Variants in ROBO2 observed in about 807,000 individuals in gnomAD.
ROBO2 encodes the protein roundabout guidance receptor 2.
ROBO2 carries 53 observed loss-of-function variants against 160.8 expected under a neutral mutation model. The ratio of observed to expected loss-of-function variants is 0.33; its 90% CI spans 0.26 to 0.41. ROBO2 has a LOEUF of 0.41. Ranked by LOEUF, ROBO2 falls within the 10% of genes least tolerant of loss-of-function variation. ROBO2 has a pLI of 1.00. For missense variants in ROBO2, 1,577 were observed against 1,722.4 expected, an observed-to-expected ratio of 0.92 and a Z score of 1.49; for synonymous variants, 664 against 611.7, an observed-to-expected ratio of 1.09 and a Z score of -1.26.
At chr3:76,750,188 G>GA (rs772868865) in intron 2 of ROBO2, among the ~76,000 whole-genome samples, 1 of 151,924 alleles carries the variant, frequency 6.6e-6, no homozygotes, top group Non-Finnish European at 1.5e-5. Context: ...CAGAACCAAA[G>GA]AAAAAACCAC....
intron 2 of ROBO2, among the ~76,000 whole-genome samples, chr3:76,703,265 C>T (rs1367360113): frequency 2.0e-5 from 3 of 151,974 alleles, no homozygotes; most frequent in Non-Finnish European, 4.4e-5. Context: ...GGACTTAGGT[C>T]GCAACATTAC....
At chr3:76,852,138 C>A (rs148046142) in intron 2 of ROBO2, among the ~76,000 whole-genome samples, 17 of 152,254 alleles carry the variant, frequency 1.1e-4, no homozygotes, top group African/African-American at 3.1e-4. Context: ...GTCCCTGCAA[C>A]GCGACACATT....
At chr3:76,024,792 C>T (rs1371946216) in intron 2 of ROBO2, among the ~76,000 whole-genome samples, 1 of 151,386 alleles carries the variant, frequency 6.6e-6, no homozygotes, top group Non-Finnish European at 1.5e-5. Flanking sequence ...AAATTGTTTT[C>T]CTCTTTGTAT....
chr3:75,961,342 T>C (rs1948904385), intron 2 of ROBO2, among the ~76,000 whole-genome samples: 1 of 151,664 alleles, frequency 6.6e-6, no homozygotes, highest in African/African-American at 2.4e-5. Flanking sequence ...CATGGATATA[T>C]TTATATTTAT....
intron 2 of ROBO2, among the ~76,000 whole-genome samples, chr3:77,407,120 C>T (rs1240543790): frequency 6.6e-6 from 1 of 152,068 alleles, no homozygotes; most frequent in Non-Finnish European, 1.5e-5. Context: ...ACCACCCAGG[C>T]AATAATTCTT....
At chr3:77,363,567 G>C (rs1258321710) in intron 2 of ROBO2, among the ~76,000 whole-genome samples, 2 of 151,720 alleles carry the variant, frequency 1.3e-5, no homozygotes, top group Admixed American at 1.3e-4. Flanking sequence ...CTGTTTTTCT[G>C]CTAAGTTTAG....
chr3:76,355,994 A>G (rs1255095766), intron 2 of ROBO2, among the ~76,000 whole-genome samples: 4 of 151,756 alleles, frequency 2.6e-5, no homozygotes, highest in Non-Finnish European at 5.9e-5. Flanking sequence ...GCATATGGAG[A>G]AGTAGAATAG....
intron 2 of ROBO2, among the ~76,000 whole-genome samples, chr3:76,778,197 G>C (rs1018200273): frequency 6.6e-6 from 1 of 151,052 alleles, no homozygotes; most frequent in Non-Finnish European, 1.5e-5. Flanking sequence ...GTCCCTGATT[G>C]TATGTGTATC....
intron 2 of ROBO2, among the ~76,000 whole-genome samples, chr3:76,067,515 G>T (rs1345601555): frequency 1.3e-5 from 2 of 151,190 alleles, no homozygotes; most frequent in African/African-American, 2.4e-5. Flanking sequence ...AAAAACTATT[G>T]TTTACCTGAA....
chr3:77,053,032 A>G (rs991665955), intron 1 of ROBO2, among the ~76,000 whole-genome samples: 1 of 152,230 alleles, frequency 6.6e-6, no homozygotes, highest in Admixed American at 6.5e-5. Context: ...GGGATTAAAA[A>G]GTGGTATTAT....
chr3:76,864,944 T>C (rs1253100471), intron 2 of ROBO2, among the ~76,000 whole-genome samples: 1 of 152,078 alleles, frequency 6.6e-6, no homozygotes, highest in Non-Finnish European at 1.5e-5. Flanking sequence ...ATTTTAACAA[T>C]GCACAATATA....
chr3:76,682,599 G>T (rs1330457771), intron 2 of ROBO2, among the ~76,000 whole-genome samples: 2 of 152,008 alleles, frequency 1.3e-5, no homozygotes, highest in Non-Finnish European at 2.9e-5. Flanking sequence ...GTAGAGACGG[G>T]ATTTCACCAT....
intron 2 of ROBO2, among the ~76,000 whole-genome samples, chr3:77,119,790 G>A (rs1436170564): frequency 6.6e-6 from 1 of 152,170 alleles, no homozygotes; most frequent in African/African-American, 2.4e-5. Context: ...TAGAGGCTCT[G>A]GACTGGCAGT....
At chr3:76,321,918 CT>C (rs2072560723) in intron 2 of ROBO2, among the ~76,000 whole-genome samples, 1 of 151,830 alleles carries the variant, frequency 6.6e-6, no homozygotes, top group Non-Finnish European at 1.5e-5. Context: ...GCAAGATTTA[CT>C]TTTTGATATC....
intron 2 of ROBO2, among the ~76,000 whole-genome samples, chr3:76,506,309 GCTTT>G (rs1382586888): frequency 6.6e-6 from 1 of 152,152 alleles, no homozygotes; most frequent in Non-Finnish European, 1.5e-5. Context: ...TGTGAGGGCT[GCTTT>G]CTGTTTCCAA....
At chr3:76,319,201 A>T (rs2072299914) in intron 2 of ROBO2, among the ~76,000 whole-genome samples, 2 of 152,108 alleles carry the variant, frequency 1.3e-5, no homozygotes, top group South Asian at 4.1e-4. Flanking sequence ...AATGAAAACA[A>T]AGGATCACAA....
At chr3:76,802,734 AAAAAAAAAAAG>A (rs974399330) in intron 2 of ROBO2, among the ~76,000 whole-genome samples, 18 of 152,012 alleles carry the variant, frequency 1.2e-4, no homozygotes, top group African/African-American at 4.3e-4. Flanking sequence ...TCTCAAAAAA[AAAAAAAAAAAG>A]ATACCACCTT....
intron 2 of ROBO2, among the ~76,000 whole-genome samples, chr3:77,388,311 G>A (rs1301796631): frequency 1.3e-5 from 2 of 152,134 alleles, no homozygotes; most frequent in Non-Finnish European, 2.9e-5. Flanking sequence ...TTACTCAGGA[G>A]GCTGGGGCTG....
intron 2 of ROBO2, among the ~76,000 whole-genome samples, chr3:76,307,047 C>A (rs1468382296): frequency 6.6e-6 from 1 of 152,118 alleles, no homozygotes; most frequent in Admixed American, 6.6e-5. Flanking sequence ...TTAATGCACT[C>A]GAACATTTTA....
Sources: gnomAD v4.1 joint callset for allele counts (sites outside exome capture counted in the v4.1 genomes callset) on GRCh38, gnomAD v4.1.1 for gene constraint, MANE v1.5 for transcripts, NCBI Gene and HGNC (gene_info 2026-07-23, HGNC 2026-07-21) for gene names.